Variants in TOM1L2 observed in about 807,000 individuals in gnomAD.
TOM1L2 encodes TOM1-like protein 2.
In TOM1L2, 31 loss-of-function variants were observed where a neutral mutation model predicts 67.9. The observed-to-expected ratio is 0.46, with a 90% confidence interval of 0.34 to 0.62. The LOEUF (loss-of-function observed/expected upper bound fraction) is 0.62. Ranked by LOEUF, TOM1L2 falls within the 20% of genes least tolerant of loss-of-function variation. The pLI is 0.01. For missense variants in TOM1L2, 606 were observed against 663.5 expected (o/e 0.91, Z 0.95); for synonymous variants, 256 against 254.0 (o/e 1.01, Z -0.07).
chr17:17,914,034 G>A (rs954481439), intron 1 of TOM1L2, among the ~76,000 whole-genome samples: 6 of 152,162 alleles, frequency 3.9e-5, no homozygotes, highest in Non-Finnish European at 2.9e-5. Context: ...GTCCAGGCCC[G>A]CAGGCAAAGC....
intron 1 of TOM1L2, among the ~76,000 whole-genome samples, chr17:17,912,478 CG>C (rs1008491195): frequency 6.7e-6 from 1 of 150,116 alleles, no homozygotes; most frequent in African/African-American, 2.5e-5. Flanking sequence ...ACGGGGTGGC[CG>C]GGCAGAGACA....
chr17:17,948,554 AG>A (rs1411038840), intron 1 of TOM1L2, among the ~76,000 whole-genome samples: 1 of 152,204 alleles, frequency 6.6e-6, no homozygotes. Flanking sequence ...CGGGAGGCTA[AG>A]GCAGGAGAAT....
chr17:17,915,536 C>T (rs964091576), intron 1 of TOM1L2, among the ~76,000 whole-genome samples: 3 of 151,898 alleles, frequency 2.0e-5, no homozygotes, highest in Non-Finnish European at 4.4e-5. Flanking sequence ...GAGACAGGAT[C>T]TCACTTTGTC....
intron 4 of TOM1L2, among the ~76,000 whole-genome samples, chr17:17,890,095 G>A (rs756504060): frequency 1.1e-4 from 16 of 152,182 alleles, no homozygotes; most frequent in African/African-American, 3.6e-4. Flanking sequence ...GTCTCTGGGG[G>A]AGTCTTAAGT....
At chr17:17,954,300 T>C (rs1291590268) in intron 1 of TOM1L2, among the ~76,000 whole-genome samples, 1 of 147,842 alleles carries the variant, frequency 6.8e-6, no homozygotes, top group African/African-American at 2.5e-5. Context: ...CAGGCTACAT[T>C]TATAAATCAT....
chr17:17,865,914 G>A (rs1268071176), intron 10 of TOM1L2, among the ~76,000 whole-genome samples: 1 of 150,702 alleles, frequency 6.6e-6, no homozygotes, highest in African/African-American at 2.4e-5. Context: ...GCTAATTTTT[G>A]TATTTTTAGT....
intron 11 of TOM1L2, chr17:17,861,880 G>T: frequency 4.4e-6 from 1 of 226,076 alleles, no homozygotes; most frequent in Non-Finnish European, 8.6e-6. Flanking sequence ...ACTCCTCAGA[G>T]GGAAGACTAG....
intron 2 of TOM1L2, among the ~76,000 whole-genome samples, chr17:17,901,663 T>C (rs1321014529): frequency 6.6e-6 from 1 of 152,224 alleles, no homozygotes; most frequent in Admixed American, 6.5e-5. Context: ...CATTATTATC[T>C]TGCTCTATTG....
intron 4 of TOM1L2, among the ~76,000 whole-genome samples, chr17:17,891,856 G>A (rs141512497): frequency 4.6e-5 from 7 of 151,448 alleles, no homozygotes; most frequent in East Asian, 3.9e-4. Flanking sequence ...ATATTGGGTG[G>A]GCAGAACAGG....
At chr17:17,870,678 T>C (rs1171669859) in intron 7 of TOM1L2, among the ~76,000 whole-genome samples, 1 of 152,214 alleles carries the variant, frequency 6.6e-6, no homozygotes, top group Non-Finnish European at 1.5e-5. Context: ...GACACGGCAA[T>C]CTCTCTTTAG....
At chr17:17,870,999 G>A (rs1235646963) in intron 7 of TOM1L2, among the ~76,000 whole-genome samples, 1 of 152,216 alleles carries the variant, frequency 6.6e-6, no homozygotes, top group Non-Finnish European at 1.5e-5. Context: ...GGCAGAGAAG[G>A]TATTTCCCTG....
chr17:17,937,946 C>G (rs1029323798), intron 1 of TOM1L2, among the ~76,000 whole-genome samples: 78 of 152,142 alleles, frequency 5.1e-4, no homozygotes, highest in African/African-American at 1.9e-3. Flanking sequence ...AATAGAGAAC[C>G]ACACTCCATT....
intron 1 of TOM1L2, among the ~76,000 whole-genome samples, chr17:17,968,150 T>C (rs2041934769): frequency 6.6e-6 from 1 of 152,196 alleles, no homozygotes. Context: ...ACACCTTTTG[T>C]GAGCATGTTA....
intron 2 of TOM1L2, among the ~76,000 whole-genome samples, chr17:17,905,471 A>C (rs992506679): frequency 6.6e-6 from 1 of 152,222 alleles, no homozygotes; most frequent in Non-Finnish European, 1.5e-5. Context: ...ACACATTCAG[A>C]ATCCCATCAC....
At chr17:17,859,658 AG>A (rs2036446002) in intron 12 of TOM1L2, 1 of 152,140 alleles carries the variant, frequency 6.6e-6, no homozygotes, top group African/African-American at 2.4e-5. Context: ...AGACGGGCAG[AG>A]TGCCTGAGGT....
rs1288577952 is a variant in TOM1L2, at chr17:17,872,050, AC to A, written c.778-2578del. The stretch of plus-strand genomic sequence containing the variant: ...CTGCCTGGGCCTTGGGGCCTGCCAG[AC>A]GTGGTCTGGATTGCCAGGCAATAAT... On this transcript the variant is annotated intron_variant, in intron 7 of 14. Transcript: ENST00000379504. The A allele has an allele frequency of 9.1e-5, 90 of 985,490 alleles. No homozygotes were observed. The Middle Eastern group carries it at 1.6e-3, about 17-fold the overall frequency. 61.0% of individuals were successfully genotyped at this position (985,490 alleles called of 1,614,324 possible).
intron 12 of TOM1L2, among the ~76,000 whole-genome samples, chr17:17,857,242 T>C (rs917915333): frequency 2.0e-5 from 3 of 152,226 alleles, no homozygotes; most frequent in South Asian, 2.1e-4. Context: ...CGTGAGCCAC[T>C]GCACCCGGCC....
At chr17:17,928,874 T>C (rs771960708) in intron 1 of TOM1L2, among the ~76,000 whole-genome samples, 2 of 152,180 alleles carry the variant, frequency 1.3e-5, no homozygotes, top group Non-Finnish European at 2.9e-5. Context: ...AGAACAATGC[T>C]TCCATTTCTG....
intron 1 of TOM1L2, among the ~76,000 whole-genome samples, chr17:17,944,895 C>T (rs1009511285): frequency 6.6e-6 from 1 of 152,186 alleles, no homozygotes; most frequent in Non-Finnish European, 1.5e-5. Context: ...GGGGCTAGTA[C>T]TAGTGGAGCT....
Sources: gnomAD v4.1 joint callset for allele counts (sites outside exome capture counted in the v4.1 genomes callset) on GRCh38, gnomAD v4.1.1 for gene constraint, MANE v1.5 for transcripts, NCBI Gene and HGNC (gene_info 2026-07-23, HGNC 2026-07-21) for gene names.